PDGFC: variants seen among roughly 807,000 people sequenced by gnomAD.
PDGFC encodes the protein platelet derived growth factor C.
PDGFC carries 12 observed loss-of-function variants against 35.5 expected under a neutral mutation model. The observed-to-expected ratio is 0.34, with a 90% CI of 0.22 to 0.55. The LOEUF (loss-of-function observed/expected upper bound fraction) is 0.55, where lower values mean the gene tolerates loss of function less well. PDGFC is among the 20% of genes least tolerant of loss of function. The pLI, the probability that PDGFC is intolerant of heterozygous loss-of-function variation, is 0.91. For missense variants in PDGFC, 322 were observed against 412.4 expected, an observed-to-expected ratio of 0.78 and a Z score of 1.90; for synonymous variants, 159 against 148.8, an observed-to-expected ratio of 1.07 and a Z score of -0.50.
intron 1 of PDGFC, among the ~76,000 whole-genome samples, chr4:156,901,528 C>T (rs956644083): frequency 4.6e-5 from 7 of 152,054 alleles, no homozygotes; most frequent in Non-Finnish European, 8.8e-5. Flanking sequence ...TGGAGAACAA[C>T]GCCTACCTAT....
At position 156,760,885 on chromosome 4, in the gene PDGFC, T is replaced by C. The variant is rs889116881; in HGVS notation, c.*2205A>G. 2 of 152,176 alleles carry C rather than the reference T, an allele frequency of 1.3e-5. No individual in the cohort carries two copies. The highest frequency in any genetic ancestry group is 4.8e-5 in the African/African-American group (2 of 41,442). 9.4% of individuals were successfully genotyped at this position (152,176 alleles called of 1,614,324 possible). ...TACTAAGACTTAGTAGTCTTTACTA[T>C]ACTAATGAAAGTTGTAAACTGCCAA... On this transcript the variant is annotated 3_prime_UTR_variant, in exon 6 of 6. Transcript: ENST00000502773.
At chr4:156,767,406 C>A (rs1349714949) in intron 5 of PDGFC, among the ~76,000 whole-genome samples, 1 of 151,956 alleles carries the variant, frequency 6.6e-6, no homozygotes, top group African/African-American at 2.4e-5. Flanking sequence ...CCAAAGTAGA[C>A]AATAATTTAT....
intron 1 of PDGFC, among the ~76,000 whole-genome samples, chr4:156,950,465 T>C (rs571830513): frequency 1.3e-3 from 201 of 152,012 alleles, no homozygotes; most frequent in African/African-American, 4.6e-3. Context: ...TCCTCCACAA[T>C]TTATCACCAT....
chr4:156,809,080 T>A (rs975987540), intron 3 of PDGFC, among the ~76,000 whole-genome samples: 5 of 151,988 alleles, frequency 3.3e-5, no homozygotes, highest in Non-Finnish European at 7.4e-5. Context: ...AGAACTCCTA[T>A]GCCTTTACTC....
At chr4:156,892,330 TTGGA>T (rs1560860408) in intron 1 of PDGFC, among the ~76,000 whole-genome samples, 1 of 152,204 alleles carries the variant, frequency 6.6e-6, no homozygotes, top group Non-Finnish European at 1.5e-5. Context: ...TCTACTCAGC[TTGGA>T]AATCCTGATA....
intron 1 of PDGFC, among the ~76,000 whole-genome samples, chr4:156,942,734 A>T: frequency 6.7e-6 from 1 of 148,640 alleles, no homozygotes; most frequent in East Asian, 1.9e-4. Flanking sequence ...TTATATATGT[A>T]TAATTATAAT....
In PDGFC at chr4:156,938,577, T is replaced by C. The variant is rs150091135; in HGVS notation, c.118+32209A>G. Among the ~76,000 whole-genome samples the C allele has an allele frequency of 5.3e-3, 807 of 152,142 alleles. 12 individuals are homozygous for C. Among genetic ancestry groups the C allele is most frequent in the African/African-American group, 0.018 (761 of 41,544 alleles). ...AAGTCAATATTTATATTTAAAAAAC[T>C]GACAAAACTCAGATTTTAAAAAGCA... On this transcript the variant is annotated intron_variant, in intron 1 of 5. Coordinates refer to ENST00000502773, the MANE Select transcript of PDGFC (RefSeq NM_016205.3).
chr4:156,959,168 C>G (rs1037075649), intron 1 of PDGFC, among the ~76,000 whole-genome samples: 1 of 151,938 alleles, frequency 6.6e-6, no homozygotes, highest in Non-Finnish European at 1.5e-5. Context: ...AGTTGAAAAG[C>G]TTTATAAATG....
At chr4:156,938,082 G>A (rs1235837298) in intron 1 of PDGFC, among the ~76,000 whole-genome samples, 1 of 152,054 alleles carries the variant, frequency 6.6e-6, no homozygotes, top group African/African-American at 2.4e-5. Context: ...TTTACATACA[G>A]ATTTCTTACG....
intron 1 of PDGFC, among the ~76,000 whole-genome samples, chr4:156,868,992 A>G (rs2111136343): frequency 6.6e-6 from 1 of 152,362 alleles, no homozygotes; most frequent in East Asian, 1.9e-4. Context: ...CGATCAGTTT[A>G]GGAACTCTAG....
chr4:156,770,357 A>C (rs538867330), intron 4 of PDGFC: 4 of 152,068 alleles, frequency 2.6e-5, no homozygotes, highest in Admixed American at 6.6e-5. Context: ...ATAACTAAGG[A>C]TTTTAAATTT....
At chr4:156,812,813 T>C (rs1481621527) in intron 2 of PDGFC, among the ~76,000 whole-genome samples, 1 of 152,114 alleles carries the variant, frequency 6.6e-6, no homozygotes, top group African/African-American at 2.4e-5. Flanking sequence ...AAAACATTGT[T>C]TGCACAGAGC....
chr4:156,875,465 C>T (rs1046655222), intron 1 of PDGFC, among the ~76,000 whole-genome samples: 1 of 152,126 alleles, frequency 6.6e-6, no homozygotes, highest in African/African-American at 2.4e-5. Flanking sequence ...AGAAAGTCCA[C>T]ACATCTTATC....
At chr4:156,844,668 T>C (rs1729282910) in intron 2 of PDGFC, among the ~76,000 whole-genome samples, 1 of 149,772 alleles carries the variant, frequency 6.7e-6, no homozygotes. Context: ...CCAAAATTAC[T>C]TGATTTGCTA....
chr4:156,774,338 T>G (rs1188405189), intron 3 of PDGFC: 1 of 152,152 alleles, frequency 6.6e-6, no homozygotes, highest in East Asian at 1.9e-4. Context: ...ATGCAAAAAC[T>G]CTCCCCCCGT....
chr4:156,919,780 A>G, intron 1 of PDGFC, among the ~76,000 whole-genome samples: 1 of 152,234 alleles, frequency 6.6e-6, no homozygotes, highest in East Asian at 1.9e-4. Context: ...GAATTTCAAA[A>G]TATTTTAGCT....
chr4:156,786,410 C>T (rs79482519), intron 3 of PDGFC, among the ~76,000 whole-genome samples: 15 of 152,246 alleles, frequency 9.9e-5, no homozygotes, highest in South Asian at 4.2e-4. Context: ...GAGAAGCTGA[C>T]GTGCAAGCAA....
At chr4:156,934,129 G>A (rs1173691954) in intron 1 of PDGFC, among the ~76,000 whole-genome samples, 1 of 152,148 alleles carries the variant, frequency 6.6e-6, no homozygotes, top group East Asian at 1.9e-4. Flanking sequence ...CTTAACAACT[G>A]GGATATATTC....
intron 2 of PDGFC, among the ~76,000 whole-genome samples, chr4:156,848,786 T>C (rs186595507): frequency 2.6e-5 from 4 of 151,958 alleles, no homozygotes; most frequent in African/African-American, 7.2e-5. Context: ...ATGATTATAT[T>C]TGCAGTGACA....
Sources: gnomAD v4.1 joint callset for allele counts (sites outside exome capture counted in the v4.1 genomes callset) on GRCh38, gnomAD v4.1.1 for gene constraint, MANE v1.5 for transcripts, NCBI Gene and HGNC (gene_info 2026-07-23, HGNC 2026-07-21) for gene names.